MAP2K2: variants seen among roughly 807,000 people sequenced by gnomAD.
MAP2K2 encodes the protein dual specificity mitogen-activated protein kinase kinase 2.
A neutral mutation model predicts 43.7 loss-of-function variants in MAP2K2; 24 were observed. That is an observed-to-expected ratio of 0.55 (90% CI 0.40 to 0.77). MAP2K2 has a LOEUF of 0.77. Among genes scored for constraint, MAP2K2 ranks in the 30% least tolerant of loss-of-function variants. The pLI is 0.00. For synonymous variants in MAP2K2, 244 were observed against 239.7 expected, an observed-to-expected ratio of 1.02 and a Z score of -0.17; for missense variants, 470 against 566.8, an observed-to-expected ratio of 0.83 and a Z score of 1.73.
chr19:4,115,068 TAAAGAAAACCTAATTTTG>T lies in MAP2K2; in HGVS notation c.303+2333_303+2350del, dbSNP rs1335020025. Among the ~76,000 whole-genome samples the T allele has an allele frequency of 1.3e-5, 2 of 152,230 alleles. No homozygotes were observed. Among genetic ancestry groups the T allele is most frequent in the Non-Finnish European group, 2.9e-5 (2 of 68,020 alleles). The stretch of plus-strand genomic sequence containing the variant: ...CTCCCACCCGAGTTTTCGGGCACTT[TAAAGAAAACCTAATTTTG>T]AAAGAATTATAGAAGCACAGGAAGT... On this transcript the variant is annotated intron_variant, in intron 2 of 10. Coordinates refer to ENST00000262948, the MANE Select transcript of MAP2K2 (RefSeq NM_030662.4). The surrounding 1 kb of genome is among the most constrained non-coding windows in gnomAD (Gnocchi z 4.1).
chr19:4,120,953 A>AC (rs2041285271), intron 1 of MAP2K2, among the ~76,000 whole-genome samples: 1 of 151,822 alleles, frequency 6.6e-6, no homozygotes, highest in Non-Finnish European at 1.5e-5. Context: ...CAGAAGGCCG[A>AC]CCCCCAAGCG....
At chr19:4,097,686 C>T (rs1186969403) in intron 7 of MAP2K2, among the ~76,000 whole-genome samples, 1 of 152,196 alleles carries the variant, frequency 6.6e-6, no homozygotes, top group African/African-American at 2.4e-5. Context: ...ACGGTGCTGA[C>T]CGCAGGCAAG....
intron 7 of MAP2K2, among the ~76,000 whole-genome samples, chr19:4,098,675 G>A (rs2040956052): frequency 6.6e-6 from 1 of 152,172 alleles, no homozygotes; most frequent in Non-Finnish European, 1.5e-5. Context: ...TGCGAGCCCA[G>A]CTGTCCCTGG....
In MAP2K2 at chr19:4,101,584, G is replaced by A. The variant is rs905831744; in HGVS notation, c.529-304C>T. Among the ~76,000 whole-genome samples, 5 of 152,180 alleles carry A rather than the reference G, an allele frequency of 3.3e-5. No individual in the cohort carries two copies. The stretch of plus-strand genomic sequence containing the variant: ...CAGGGAAGCTGAGATGGTGGCCCAT[G>A]GCCCGGGAGTAGGCTGGGCTGCCGA... On this transcript the variant is annotated intron_variant, in intron 4 of 10. Coordinates refer to ENST00000262948, the MANE Select transcript of MAP2K2 (RefSeq NM_030662.4). The surrounding 1 kb of genome is among the most constrained non-coding windows in gnomAD (Gnocchi z 6.3).
chr19:4,103,727 G>C (rs1019284726), intron 3 of MAP2K2, among the ~76,000 whole-genome samples: 18 of 152,248 alleles, frequency 1.2e-4, no homozygotes, highest in Admixed American at 7.9e-4. Flanking sequence ...GGCTTGGAGA[G>C]AAAGGCCGAA....
intron 10 of MAP2K2, among the ~76,000 whole-genome samples, 180 bp from the exon 11 acceptor site, chr19:4,090,888 C>A (rs1349209619): frequency 6.6e-6 from 1 of 152,220 alleles, no homozygotes; most frequent in Non-Finnish European, 1.5e-5. Context: ...CAGAAAGGGG[C>A]AGCGGCGTGT....
chr19:4,102,796 C>A, intron 3 of MAP2K2: 5 of 1,245,662 alleles, frequency 4.0e-6, no homozygotes, highest in Admixed American at 3.4e-5. Flanking sequence ...AGCTGTGGGG[C>A]CCGCACTCCC....
At chr19:4,105,490 T>G (rs1427036954) in intron 3 of MAP2K2, among the ~76,000 whole-genome samples, 1 of 152,168 alleles carries the variant, frequency 6.6e-6, no homozygotes, top group African/African-American at 2.4e-5. Context: ...GCCAGGATGG[T>G]CTCGATCTCC....
In MAP2K2 at chr19:4,090,678, C is replaced by T; in HGVS notation, c.1123G>A (p.Glu375Lys). The change falls in exon 11 of 11, where the codon GAA (glutamate) becomes AAA (lysine). Residue 375 changes from glutamate to lysine, a missense_variant. Glu to Lys is a moderately conservative substitution (Grantham distance 56). Coordinates refer to ENST00000262948, the MANE Select transcript of MAP2K2 (RefSeq NM_030662.4). ...NHTFIKRSEV[E>K]EVDFAGWLCK... ...AACCAGCCGGCAAAATCCACTTCTT[C>T]CACCTCGGACCGCTTGATGAAGGTG... 1 of 1,559,154 alleles carries T rather than the reference C, an allele frequency of 6.4e-7. No homozygotes were observed. The highest frequency in any genetic ancestry group is 8.7e-7 in the Non-Finnish European group (1 of 1,151,290).
intron 7 of MAP2K2, 111 bp from the exon 8 acceptor site, chr19:4,097,454 G>A: frequency 1.3e-6 from 1 of 787,224 alleles, no homozygotes; most frequent in South Asian, 1.4e-5. Flanking sequence ...CCACATGCCA[G>A]CCTAAATTGG....
chr19:4,112,347 G>T (rs2041164502), intron 2 of MAP2K2, among the ~76,000 whole-genome samples: 1 of 152,334 alleles, frequency 6.6e-6, no homozygotes, highest in African/African-American at 2.4e-5. Context: ...CAACAAGGAG[G>T]TGACACTGGG....
At position 4,090,400 on chromosome 19, in the gene MAP2K2, C is replaced by T. The variant is rs1226369347; in HGVS notation, c.*198G>A. 1.6e-6 allele frequency: 1 copy of T among 628,644 alleles called. No individual in the cohort carries two copies. The highest frequency in any genetic ancestry group is 2.9e-6 in the Non-Finnish European group (1 of 348,090). 38.9% of individuals were successfully genotyped at this position (628,644 alleles called of 1,614,324 possible). A position where few individuals can be genotyped will look rare whatever the true frequency, so the allele number is the denominator to read the frequency against. On this transcript the variant is annotated 3_prime_UTR_variant, in exon 11 of 11. Coordinates refer to ENST00000262948, the MANE Select transcript of MAP2K2 (RefSeq NM_030662.4). ...GACCACACACAGCAGCGTCGCCCGT[C>T]CCCAGAGGCACCCCGGCCAGGACGG...
At chr19:4,109,766 G>A (rs530829683) in intron 3 of MAP2K2, among the ~76,000 whole-genome samples, 11 of 152,096 alleles carry the variant, frequency 7.2e-5, no homozygotes, top group African/African-American at 1.9e-4. Flanking sequence ...ATGAGCCACC[G>A]TGCCCGGCCT....
chr19:4,112,778 C>A (rs954314009), intron 2 of MAP2K2, among the ~76,000 whole-genome samples: 1 of 152,212 alleles, frequency 6.6e-6, no homozygotes, highest in Non-Finnish European at 1.5e-5. Flanking sequence ...GGTGACCCCA[C>A]AGGCCCCAGG....
At chr19:4,097,186 G>A (rs1319418853) in intron 8 of MAP2K2, 93 bp downstream of exon 8, 5 of 942,618 alleles carry the variant, frequency 5.3e-6, no homozygotes, top group Middle Eastern at 2.6e-4. Flanking sequence ...TCTTGCTCTG[G>A]TCAGAGAGAG....
chr19:4,102,206 C>A (rs937513436), intron 4 of MAP2K2, among the ~76,000 whole-genome samples, 170 bp downstream of exon 4: 1 of 152,196 alleles, frequency 6.6e-6, no homozygotes. Flanking sequence ...CCAAAAGGGA[C>A]GTCACTTGTT....
intron 2 of MAP2K2, among the ~76,000 whole-genome samples, chr19:4,112,671 C>CGCCCCTGCCT (rs569518602): frequency 6.6e-6 from 1 of 151,540 alleles, no homozygotes; most frequent in Non-Finnish European, 1.5e-5. Context: ...CCTGCCTGCC[C>CGCCCCTGCCT]GCCCCTGCCT....
chr19:4,113,166 G>A (rs372321510), intron 2 of MAP2K2, among the ~76,000 whole-genome samples: 28 of 152,304 alleles, frequency 1.8e-4, no homozygotes, highest in African/African-American at 6.5e-4. Context: ...AGTGGCGGAT[G>A]GGCTACTGGG....
At chr19:4,120,436 C>T (rs1568265140) in intron 1 of MAP2K2, among the ~76,000 whole-genome samples, 1 of 152,244 alleles carries the variant, frequency 6.6e-6, no homozygotes, top group Non-Finnish European at 1.5e-5. Flanking sequence ...GCCTCAGCCT[C>T]CTGAGTAGCT....
Sources: gnomAD v4.1 joint callset for allele counts (sites outside exome capture counted in the v4.1 genomes callset) on GRCh38, gnomAD v4.1.1 for gene constraint, Gnocchi (gnomAD v3.1) non-coding constraint, MANE v1.5 for transcripts, NCBI Gene and HGNC (gene_info 2026-07-23, HGNC 2026-07-21) for gene names.